MIA2: variants seen among roughly 807,000 people sequenced by gnomAD.
MIA2 encodes the protein melanoma inhibitory activity protein 2.
A neutral mutation model predicts 167.8 loss-of-function variants in MIA2; 127 were observed. That is an observed-to-expected ratio of 0.76 (90% CI 0.66 to 0.88). MIA2 has a LOEUF of 0.88. MIA2 is among the 40% of genes least tolerant of loss of function. MIA2 has a pLI of 0.00. For missense variants in MIA2, 1,690 were observed against 1,624.7 expected (o/e 1.04, Z -0.69); for synonymous variants, 552 against 541.9 (o/e 1.02, Z -0.26).
At chr14:39,331,114 G>A (rs1398015979) in intron 25 of MIA2, among the ~76,000 whole-genome samples, 4 of 152,270 alleles carry the variant, frequency 2.6e-5, no homozygotes, top group Admixed American at 2.6e-4. Flanking sequence ...AGGTCTCTAA[G>A]AACTTGCTTT....
At chr14:39,344,980 A>T (rs1255029840) in intron 25 of MIA2, among the ~76,000 whole-genome samples, 5 of 152,262 alleles carry the variant, frequency 3.3e-5, no homozygotes, top group Non-Finnish European at 4.4e-5. Context: ...TTGGTGTCCA[A>T]ATTTGTGTCT....
intron 12 of MIA2, 114 bp downstream of exon 12, chr14:39,294,185 T>G: frequency 1.5e-6 from 1 of 675,920 alleles, no homozygotes. Flanking sequence ...GGATCCCAGA[T>G]ATGTATTTTT....
intron 25 of MIA2, among the ~76,000 whole-genome samples, chr14:39,331,296 T>C (rs561176524): frequency 4.6e-5 from 7 of 152,302 alleles, no homozygotes; most frequent in African/African-American, 1.4e-4. Flanking sequence ...TTTTTTGCTT[T>C]CCATTTGCTT....
At chr14:39,368,492 A>G (rs1278851063) in intron 23 of MIA2, among the ~76,000 whole-genome samples, 1 of 151,776 alleles carries the variant, frequency 6.6e-6, no homozygotes, top group African/African-American at 2.4e-5. Flanking sequence ...AAAGAGCTGT[A>G]CTCCTCATAG....
chr14:39,321,762 ATT>A (rs35965549), intron 24 of MIA2, among the ~76,000 whole-genome samples: 2,527 of 131,956 alleles, frequency 0.019, 27 homozygotes, highest in Middle Eastern at 0.051. Context: ...TATATATGTA[ATT>A]TTTTTTTTTT....
intron 23 of MIA2, among the ~76,000 whole-genome samples, chr14:39,359,992 GTTTT>G (rs58076493): frequency 1.6e-4 from 21 of 128,836 alleles, no homozygotes; most frequent in South Asian, 1.3e-3. Flanking sequence ...TCTGCAGCAT[GTTTT>G]TTTTTTTTTT....
intron 23 of MIA2, among the ~76,000 whole-genome samples, chr14:39,365,991 C>A (rs573585767): frequency 1.3e-5 from 2 of 152,048 alleles, no homozygotes; most frequent in Non-Finnish European, 2.9e-5. Context: ...CAGACTTTTT[C>A]CTAAAAGTGT....
At chr14:39,293,628 T>C (rs2061019284) in intron 11 of MIA2, among the ~76,000 whole-genome samples, 1 of 152,188 alleles carries the variant, frequency 6.6e-6, no homozygotes, top group African/African-American at 2.4e-5. Context: ...AAATAAAAAC[T>C]GAATAATCAT....
At chr14:39,308,644 A>G in intron 18 of MIA2, 57 bp downstream of exon 18, 1 of 1,299,962 alleles carries the variant, frequency 7.7e-7, no homozygotes, top group Non-Finnish European at 1.1e-6. Context: ...TTAGAGATAT[A>G]TGTTACATAG....
intron 4 of MIA2, 56 bp downstream of exon 4, chr14:39,248,197 T>G: frequency 7.5e-6 from 9 of 1,205,468 alleles, no homozygotes; most frequent in Non-Finnish European, 9.8e-6. Flanking sequence ...ATAATTTATT[T>G]TTATAAGTGC....
chr14:39,321,096 C>G, intron 24 of MIA2, 40 bp downstream of exon 24: 1 of 1,564,860 alleles, frequency 6.4e-7, no homozygotes, highest in South Asian at 1.2e-5. Context: ...AGATTTCTTC[C>G]TTACTTTATA....
intron 25 of MIA2, among the ~76,000 whole-genome samples, chr14:39,338,321 CTG>C (rs1384724106): frequency 6.6e-6 from 1 of 152,112 alleles, no homozygotes; most frequent in African/African-American, 2.4e-5. Context: ...CAGGATCTCT[CTG>C]TAGTATTTTT....
intron 14 of MIA2, 135 bp from the exon 15 acceptor site, chr14:39,301,994 G>A: frequency 1.0e-6 from 1 of 975,582 alleles, no homozygotes. Context: ...ATCTTAATAA[G>A]AGGTGGAAAA....
chr14:39,347,838 T>TTTTTTC, intron 27 of MIA2, 67 bp downstream of exon 27: 3 of 1,346,912 alleles, frequency 2.2e-6, no homozygotes, highest in Admixed American at 2.5e-5. Flanking sequence ...TTTTTTTTTT[T>TTTTTTC]TTTATGGAGT....
chr14:39,370,798 C>G (rs1408738213), intron 23 of MIA2: 1 of 154,040 alleles, frequency 6.5e-6, no homozygotes, highest in African/African-American at 2.4e-5. Flanking sequence ...AAGACTACTT[C>G]TGGATTCTAT....
chr14:39,247,506 G>C lies in MIA2; in HGVS notation c.932G>C (p.Gly311Ala). ...AAACCTCAATCCACTGGTTGGTTTG[G>C]TGGAGGATTTACAAGTTATTTAGGT... ...IPKPQSTGWFGGGFTSYLGFG... is the reference protein window; with the variant it reads ...IPKPQSTGWFAGGFTSYLGFG... The change falls in exon 4 of 29, where the codon GGT (glycine) becomes GCT (alanine). Residue 311 changes from glycine (G) to alanine (A), a missense_variant. Gly to Ala is a moderately conservative substitution (Grantham distance 60). Coordinates refer to ENST00000640607, the MANE Select transcript of MIA2 (RefSeq NM_001329214.4). 6.2e-7 allele frequency: 1 copy of C among 1,614,052 alleles called. No homozygotes were observed. The highest frequency in any genetic ancestry group is 8.5e-7 in the Non-Finnish European group (1 of 1,179,992).
chr14:39,250,494 G>A (rs61998535), intron 4 of MIA2, among the ~76,000 whole-genome samples: 9,716 of 151,846 alleles, frequency 0.064, 439 homozygotes, highest in South Asian at 0.18. Context: ...TCAGGAGTTT[G>A]AGACCAGCCT....
chr14:39,259,597 C>A (rs116302390), intron 6 of MIA2, among the ~76,000 whole-genome samples: 1 of 151,754 alleles, frequency 6.6e-6, no homozygotes, highest in Non-Finnish European at 1.5e-5. Context: ...GTGGCCCTAT[C>A]ACAGCTCACT....
At chr14:39,271,603 A>G (rs2057155856) in intron 6 of MIA2, among the ~76,000 whole-genome samples, 1 of 152,056 alleles carries the variant, frequency 6.6e-6, no homozygotes. Context: ...GAGTCTGTTG[A>G]TCAGTTTAGG....
Sources: gnomAD v4.1 joint callset for allele counts (sites outside exome capture counted in the v4.1 genomes callset) on GRCh38, gnomAD v4.1.1 for gene constraint, MANE v1.5 for transcripts, NCBI Gene and HGNC (gene_info 2026-07-23, HGNC 2026-07-21) for gene names.